ZNF292: variants seen among roughly 807,000 people sequenced by gnomAD.
The protein encoded by ZNF292 is zinc finger protein 292.
In ZNF292, 26 loss-of-function variants were observed where a neutral mutation model predicts 217.9. The observed-to-expected ratio is 0.12, with a 90% CI of 0.09 to 0.17. The LOEUF is 0.17. ZNF292 is among the 10% of genes least tolerant of loss of function. The pLI is 1.00. For synonymous variants in ZNF292, 1,257 were observed against 1,124.1 expected, an observed-to-expected ratio of 1.12 and a Z score of -2.37; for missense variants, 2,904 against 3,175.2, an observed-to-expected ratio of 0.91 and a Z score of 2.05.
rs750419851 is a variant in ZNF292 at position 87,256,825 on chromosome 6, A to G, written c.3196A>G (p.Lys1066Glu). 2.2e-5 allele frequency: 35 copies of G among 1,613,592 alleles called. No homozygotes were observed. In the Admixed American group the frequency reaches 5.2e-4, roughly 24 times the overall value. The part of the protein sequence containing the change: ...TSSNLYNLPL[K>E]TLESIAFVPP... ...ATCCAATCTTTATAATTTACCTCTT[A>G]AGACATTAGAAAGTATTGCATTTGT... is the stretch of plus-strand genomic sequence containing the variant. Residue 1066 changes from lysine (K) to glutamate (E), a missense_variant, in exon 8 of 8, where the codon AAG (lysine) becomes GAG (glutamate). Lys to Glu is a moderately conservative substitution (Grantham distance 56). Transcript: ENST00000369577.
chr6:87,206,955 C>G (rs190493687), intron 1 of ZNF292, among the ~76,000 whole-genome samples: 1 of 152,072 alleles, frequency 6.6e-6, no homozygotes, highest in Non-Finnish European at 1.5e-5. Flanking sequence ...AAGTGGGTGT[C>G]GAAAGGGATG....
intron 5 of ZNF292, among the ~76,000 whole-genome samples, chr6:87,234,986 G>A (rs926423836): frequency 6.6e-6 from 1 of 152,180 alleles, no homozygotes; most frequent in African/African-American, 2.4e-5. Flanking sequence ...GAAGAGTAAT[G>A]TCAGACAGTT....
intron 1 of ZNF292, among the ~76,000 whole-genome samples, chr6:87,202,116 C>A (rs2127789862): frequency 6.6e-6 from 1 of 152,290 alleles, no homozygotes; most frequent in South Asian, 2.1e-4. Context: ...TGGAGAATTT[C>A]ATTGGCATTG....
intron 1 of ZNF292, among the ~76,000 whole-genome samples, chr6:87,185,194 A>G (rs903471322): frequency 3.3e-5 from 5 of 152,212 alleles, no homozygotes; most frequent in Admixed American, 6.5e-5. Context: ...TAACAAAGGA[A>G]TAGTTCCACC....
chr6:87,230,311 G>A (rs756189330), intron 4 of ZNF292, among the ~76,000 whole-genome samples: 1 of 152,192 alleles, frequency 6.6e-6, no homozygotes, highest in African/African-American at 2.4e-5. Flanking sequence ...GGGGAATCTA[G>A]GACCTAGTGT....
chr6:87,158,930 G>A (rs1299551075), intron 1 of ZNF292, among the ~76,000 whole-genome samples: 2 of 152,210 alleles, frequency 1.3e-5, no homozygotes, highest in Non-Finnish European at 2.9e-5. Context: ...ATGAATAAAC[G>A]TTTGTCAAAG....
intron 1 of ZNF292, among the ~76,000 whole-genome samples, chr6:87,209,104 A>ACCCCCCCC (rs5878022): frequency 8.0e-5 from 11 of 137,294 alleles, no homozygotes; most frequent in African/African-American, 2.4e-4. Flanking sequence ...CCCCACTTTC[A>ACCCCCCCC]CCCCCCCCTC....
intron 1 of ZNF292, among the ~76,000 whole-genome samples, chr6:87,205,172 G>A (rs1021048513): frequency 3.9e-5 from 6 of 151,936 alleles, no homozygotes; most frequent in African/African-American, 7.3e-5. Context: ...TCCTGGGCTC[G>A]AGCGATCCTC....
At position 87,262,766 on chromosome 6, in the gene ZNF292, ATTTTT is replaced by A. The variant is rs1452928140; in HGVS notation, c.*967_*971del. On this transcript the variant is annotated 3_prime_UTR_variant, in exon 8 of 8. Coordinates refer to ENST00000369577, the MANE Select transcript of ZNF292 (RefSeq NM_015021.3). ...GTTTTATACATGTGATCTTATAAAG[ATTTTT>A]TGTTTTGTTTTGTTTTCCATTTTCT... is the stretch of plus-strand genomic sequence containing the variant. 6.6e-6 allele frequency: 1 copy of A among 151,854 alleles called. No individual in the cohort carries two copies. Among genetic ancestry groups the A allele is most frequent in the Non-Finnish European group, 1.5e-5 (1 of 67,864 alleles). The allele number at this position is 151,854 out of a possible 1,614,324, so 9.4% of individuals were successfully genotyped here.
Position 87,258,044 on chromosome 6 carries a change from G to A in ZNF292, c.4415G>A (p.Arg1472Gln), listed in dbSNP as rs370029762. The A allele has an allele frequency of 2.4e-5, 38 of 1,613,586 alleles. No individual in the cohort carries two copies. The highest frequency in any genetic ancestry group is 2.8e-5 in the Non-Finnish European group (33 of 1,179,800). ...SPAFLPNTFP[R>Q]SGVTNFNTSV... is the part of the protein sequence containing the mutation. Reference sequence around the variant, plus strand: ...GCATTTTTACCAAATACATTTCCTCGATCTGGTGTGACTAACTTTAATACC... The same window carrying A: ...GCATTTTTACCAAATACATTTCCTCAATCTGGTGTGACTAACTTTAATACC... Residue 1472 changes from arginine to glutamine, a missense_variant, in exon 8 of 8, where the codon CGA becomes CAA. Around this residue, in one of 15 missense-constraint regions of ZNF292, gnomAD observed 622 missense variants for 573.1 expected, o/e 1.09. Transcript: ENST00000369577.
At chr6:87,245,835 G>A (rs1442613367) in intron 7 of ZNF292, among the ~76,000 whole-genome samples, 191 bp downstream of exon 7, 1 of 152,150 alleles carries the variant, frequency 6.6e-6, no homozygotes, top group Non-Finnish European at 1.5e-5. Context: ...GAGAACCAGG[G>A]ACTTGTTCTT....
chr6:87,258,532 G>A lies in ZNF292; in HGVS notation c.4903G>A (p.Ala1635Thr). ...NSASKRRKKV[A>T]PPLIAPNASQ... is the part of the protein sequence containing the mutation. The stretch of plus-strand genomic sequence containing the variant: ...TGCTTCTAAGAGAAGAAAGAAAGTT[G>A]CTCCTCCACTAATTGCACCTAACGC... The change falls in exon 8 of 8, where the codon GCT (alanine) becomes ACT (threonine). Residue 1635 changes from alanine to threonine, a missense_variant. Around this residue, in one of 15 missense-constraint regions of ZNF292, gnomAD observed 622 missense variants for 573.1 expected, o/e 1.09. Coordinates refer to ENST00000369577, the MANE Select transcript of ZNF292 (RefSeq NM_015021.3). 1 of 1,613,630 alleles carries A rather than the reference G, an allele frequency of 6.2e-7. No homozygotes were observed. The highest frequency in any genetic ancestry group is 8.5e-7 in the Non-Finnish European group (1 of 1,179,752).
chr6:87,217,255 A>C (rs1772834554), intron 3 of ZNF292, among the ~76,000 whole-genome samples: 1 of 152,084 alleles, frequency 6.6e-6, no homozygotes, highest in Non-Finnish European at 1.5e-5. Flanking sequence ...TTCCTGTTTT[A>C]ATATTAAACA....
chr6:87,249,259 TGG>T, intron 7 of ZNF292: 1 of 198,306 alleles, frequency 5.0e-6, no homozygotes, highest in Non-Finnish European at 1.1e-5. Context: ...CCTAAGTAGC[TGG>T]GACTACAGGT....
chr6:87,206,331 C>A (rs555221008), intron 1 of ZNF292, among the ~76,000 whole-genome samples: 1 of 109,572 alleles, frequency 9.1e-6, no homozygotes, highest in African/African-American at 4.8e-5. Context: ...ACTTCCCACC[C>A]TCAGTACTTT....
chr6:87,183,655 C>G (rs1410987001), intron 1 of ZNF292, among the ~76,000 whole-genome samples: 1 of 152,202 alleles, frequency 6.6e-6, no homozygotes, highest in African/African-American at 2.4e-5. Context: ...ACATAAACCA[C>G]TTTACACCAT....
At chr6:87,212,018 G>T (rs1772509620) in intron 1 of ZNF292, among the ~76,000 whole-genome samples, 1 of 152,308 alleles carries the variant, frequency 6.6e-6, no homozygotes, top group Middle Eastern at 3.4e-3. Context: ...CCAGTCGCAA[G>T]TACCAGGTCC....
intron 1 of ZNF292, among the ~76,000 whole-genome samples, chr6:87,156,510 C>T (rs990937645): frequency 2.0e-5 from 3 of 152,140 alleles, no homozygotes; most frequent in African/African-American, 7.2e-5. Context: ...GGCGGTTTTT[C>T]CAGAGTCCGT....
chr6:87,233,295 T>C (rs1184269640), intron 4 of ZNF292, 30 bp from the exon 5 acceptor site: 1 of 1,485,120 alleles, frequency 6.7e-7, no homozygotes, highest in Non-Finnish European at 9.2e-7. Context: ...TACCAAATGT[T>C]AATAATCTAT....
Sources: allele counts gnomAD v4.1 joint callset (sites outside exome capture counted in the v4.1 genomes callset), GRCh38; gene constraint gnomAD v4.1.1; regional missense constraint gnomAD v4.1.1; transcripts MANE v1.5; gene names NCBI Gene and HGNC (gene_info 2026-07-23, HGNC 2026-07-21).